The following OPTN variants were observed in gnomAD, a reference collection of about 807,000 sequenced individuals.
The protein encoded by OPTN is optineurin.
In OPTN, 54 loss-of-function variants were observed where a neutral mutation model predicts 70.4. The ratio of observed to expected loss-of-function variants is 0.77; its 90% CI spans 0.62 to 0.96. The LOEUF (loss-of-function observed/expected upper bound fraction) is 0.96, where lower values mean the gene tolerates loss of function less well. Ranked by LOEUF, OPTN falls within the 40% of genes least tolerant of loss-of-function variation. The probability of loss-of-function intolerance (pLI) is 0.00; values close to 1 mark genes in which losing one functional copy is unlikely to be tolerated. For synonymous variants in OPTN, 256 were observed against 248.5 expected, an observed-to-expected ratio of 1.03 and a Z score of -0.28; for missense variants, 624 against 673.2, an observed-to-expected ratio of 0.93 and a Z score of 0.81.
At chr10:13,110,512 T>C (rs1255017903) in intron 4 of OPTN, 36 bp downstream of exon 4, 1 of 1,600,596 alleles carries the variant, frequency 6.2e-7, no homozygotes, top group Non-Finnish European at 8.5e-7. Context: ...TTGTTTTTTT[T>C]TTTTCCCTTG....
Position 13,110,455 on chromosome 10 carries a change from G to A in OPTN, c.348G>A (p.Gly116=). ...KLKEELGKLK[G]KSERSSEDPT... The stretch of plus-strand genomic sequence containing the variant: ...AGGAAGAGCTTGGAAAACTAAAAGG[G>A]AAATCAGAAAGGTCATCTGAGGTGA... Residue 116 remains glycine, a synonymous_variant, in exon 4 of 15, where the codon GGG becomes GGA. Transcript: ENST00000378747. 1.2e-6 allele frequency: 2 copies of A among 1,613,762 alleles called. No homozygotes were observed. The highest frequency in any genetic ancestry group is 1.7e-6 in the Non-Finnish European group (2 of 1,179,804).
At chr10:13,102,334 T>G (rs1160856923) in intron 1 of OPTN, among the ~76,000 whole-genome samples, 3 of 152,142 alleles carry the variant, frequency 2.0e-5, no homozygotes, top group Non-Finnish European at 4.4e-5. Context: ...GTTAAGAAAC[T>G]GAAAGTCTGT....
At chr10:13,101,061 C>T (rs1225703871) in intron 1 of OPTN, among the ~76,000 whole-genome samples, 3 of 152,180 alleles carry the variant, frequency 2.0e-5, no homozygotes, top group Non-Finnish European at 4.4e-5. Flanking sequence ...GAAGAACCCA[C>T]CTTGCTCTTT....
Position 13,137,332 on chromosome 10 carries a change from G to T in OPTN, c.*466G>T. On this transcript the variant is annotated 3_prime_UTR_variant, in exon 15 of 15. Coordinates refer to ENST00000378747, the MANE Select transcript of OPTN (RefSeq NM_001008212.2). ...GGAGAAGGAAGGAAGGAGAAGAAAA[G>T]GTACCTGTTCTACGTAGAACACCTT... 6.4e-6 allele frequency: 2 copies of T among 311,286 alleles called. No individual in the cohort carries two copies. The highest frequency in any genetic ancestry group is 1.2e-5 in the Non-Finnish European group (2 of 164,950). The allele number at this position is 311,286 out of a possible 1,614,324, so 19.3% of individuals were successfully genotyped here.
chr10:13,112,980 C>A (rs74861889), intron 5 of OPTN, among the ~76,000 whole-genome samples: 1 of 151,992 alleles, frequency 6.6e-6, no homozygotes, highest in Non-Finnish European at 1.5e-5. Context: ...AGCTGTATTC[C>A]GCAGTTCACT....
intron 7 of OPTN, among the ~76,000 whole-genome samples, chr10:13,120,172 T>C (rs1476610623): frequency 6.6e-6 from 1 of 151,456 alleles, no homozygotes; most frequent in Non-Finnish European, 1.5e-5. Context: ...GTATTTTTAG[T>C]AGAGACGGGG....
Position 13,128,834 on chromosome 10 carries a change from C to T in OPTN, c.1401+931C>T, listed in dbSNP as rs142592799. Among the ~76,000 whole-genome samples, 904 of 152,128 alleles carry T rather than the reference C, an allele frequency of 5.9e-3. 4 individuals are homozygous for T. The highest frequency in any genetic ancestry group is 9.0e-3 in the Admixed American group (138 of 15,284). On this transcript the variant is annotated intron_variant, in intron 12 of 14. Transcript: ENST00000378747. ...CTGGGATTACAGGCATGAGCCACTG[C>T]GCCTGGCCTGGCTTTTTAAAAAAAT...
chr10:13,130,469 A>T (rs1255297193), intron 12 of OPTN, among the ~76,000 whole-genome samples: 1 of 145,354 alleles, frequency 6.9e-6, no homozygotes, highest in Non-Finnish European at 1.5e-5. Context: ...CACTGTTCTT[A>T]CTGCCTGGGA....
intron 10 of OPTN, 100 bp from the exon 11 acceptor site, chr10:13,125,843 GAGA>G: frequency 1.1e-6 from 1 of 895,172 alleles, no homozygotes; most frequent in Non-Finnish European, 1.8e-6. Flanking sequence ...AAAGGTAGGC[GAGA>G]AGATTTTTCT....
chr10:13,132,607 C>T lies in OPTN; in HGVS notation c.1532+410C>T, dbSNP rs192308845. On this transcript the variant is annotated intron_variant, in intron 13 of 14. Coordinates refer to ENST00000378747, the MANE Select transcript of OPTN (RefSeq NM_001008212.2). ...TCATGGTTCACTGCAGCCTCAACTT[C>T]CTGAGCTCAGGTGATCCTCGTGCCT... Among the ~76,000 whole-genome samples the T allele has an allele frequency of 3.2e-3, 480 of 152,190 alleles. 4 individuals are homozygous for T. The highest frequency in any genetic ancestry group is 0.011 in the African/African-American group (474 of 41,526).
chr10:13,128,502 C>CTTTTTTTTTTTTTTTTTT (rs56147136), intron 12 of OPTN, among the ~76,000 whole-genome samples: 14 of 33,482 alleles, frequency 4.2e-4, no homozygotes, highest in East Asian at 6.6e-4. Context: ...TCAAGCCTGC[C>CTTTTTTTTTTTTTTTTTT]TTTTTTTTTT....
At chr10:13,112,150 G>A (rs1417199965) in intron 4 of OPTN, among the ~76,000 whole-genome samples, 8 of 146,092 alleles carry the variant, frequency 5.5e-5, no homozygotes, top group Non-Finnish European at 1.2e-4. Flanking sequence ...CGCCTGGCTT[G>A]GCTTTTTTTT....
intron 14 of OPTN, 97 bp from the exon 15 acceptor site, chr10:13,136,648 G>T: frequency 6.8e-7 from 1 of 1,468,770 alleles, no homozygotes; most frequent in Non-Finnish European, 9.4e-7. Flanking sequence ...TGAATACGAA[G>T]TTGAACTGAT....
rs984904332 is a variant in OPTN, at chr10:13,119,986, T to C, written c.779+946T>C. Among the ~76,000 whole-genome samples, 61 of 147,392 alleles carry C rather than the reference T, an allele frequency of 4.1e-4. No individual in the cohort carries two copies. In the East Asian group the frequency reaches 8.3e-3, roughly 20 times the overall value. Reference sequence around the variant, plus strand: ...GATCTGCAACTATTTTCTTTCTTTTTTTTTTTTTTTTTTTGAGACGGAGTC... The same window carrying C: ...GATCTGCAACTATTTTCTTTCTTTTCTTTTTTTTTTTTTTGAGACGGAGTC... On this transcript the variant is annotated intron_variant, in intron 7 of 14. Coordinates refer to ENST00000378747, the MANE Select transcript of OPTN (RefSeq NM_001008212.2).
chr10:13,136,722 G>A, intron 14 of OPTN, 23 bp from the exon 15 acceptor site: 1 of 1,613,794 alleles, frequency 6.2e-7, no homozygotes, highest in East Asian at 2.2e-5. Context: ...TGGAACTAAT[G>A]GAATTATCAT....
chr10:13,128,185 T>C (rs1833508704), intron 12 of OPTN, among the ~76,000 whole-genome samples: 1 of 152,204 alleles, frequency 6.6e-6, no homozygotes, highest in South Asian at 2.1e-4. Flanking sequence ...GGATATTTTA[T>C]ATTTCTGTTG....
chr10:13,135,404 T>C (rs1180563458), intron 14 of OPTN, among the ~76,000 whole-genome samples: 1 of 151,970 alleles, frequency 6.6e-6, no homozygotes, highest in East Asian at 1.9e-4. Context: ...TTGTTAACTT[T>C]ATGTAGATAA....
At chr10:13,102,459 A>G (rs2131468057) in intron 1 of OPTN, among the ~76,000 whole-genome samples, 1 of 152,378 alleles carries the variant, frequency 6.6e-6, no homozygotes, top group South Asian at 2.1e-4. Flanking sequence ...GGCTGTTAAA[A>G]TGTATTCAAC....
In OPTN at chr10:13,110,299, C is replaced by G; in HGVS notation, c.192C>G (p.Ala64=). 1 of 1,613,994 alleles carries G rather than the reference C, an allele frequency of 6.2e-7. No homozygotes were observed. The change falls in exon 4 of 15, where the codon GCC becomes GCG. Residue 64 remains alanine, a synonymous_variant. Coordinates refer to ENST00000378747, the MANE Select transcript of OPTN (RefSeq NM_001008212.2). ...AAGCCATGAAGCTAAATAATCAAGCCATGAAAGGGAGATTTGAGGAGCTTT... is the reference window on the plus strand; with the variant it reads ...AAGCCATGAAGCTAAATAATCAAGCGATGAAAGGGAGATTTGAGGAGCTTT... ...LKEAMKLNNQ[A]MKGRFEELSA...
Sources: gnomAD v4.1 joint callset for allele counts (sites outside exome capture counted in the v4.1 genomes callset) on GRCh38, gnomAD v4.1.1 for gene constraint, MANE v1.5 for transcripts, NCBI Gene and HGNC (gene_info 2026-07-23, HGNC 2026-07-21) for gene names.